The following SV2B variants were observed in gnomAD, a reference collection of about 807,000 sequenced individuals.
SV2B encodes the protein solute carrier family 22 member B2.
SV2B carries 41 observed loss-of-function variants against 73.9 expected under a neutral mutation model. The observed-to-expected ratio is 0.56, with a 90% CI of 0.43 to 0.72. The LOEUF is 0.72. SV2B is among the 30% of genes least tolerant of loss of function. The probability of loss-of-function intolerance (pLI) is 0.00; values close to 1 mark genes in which losing one functional copy is unlikely to be tolerated. For missense variants in SV2B, 764 were observed against 857.8 expected, an observed-to-expected ratio of 0.89 and a Z score of 1.37; for synonymous variants, 314 against 314.2, an observed-to-expected ratio of 1.00 and a Z score of 0.01.
rs1439468376 is a variant in SV2B, at chr15:91,299,131, C to T, written c.*6579C>T. ...ATATACACACACACATTATGTTATA[C>T]ACCATAAATATATAGAAGTTTTACT... is the stretch of plus-strand genomic sequence containing the variant. On this transcript the variant is annotated 3_prime_UTR_variant, in exon 13 of 13. Coordinates refer to ENST00000394232, the MANE Select transcript of SV2B (RefSeq NM_001323032.3). 2.6e-5 allele frequency: 4 copies of T among 152,110 alleles called. No homozygotes were observed. The East Asian group carries it at 5.8e-4, about 22-fold the overall frequency. 9.4% of individuals were successfully genotyped at this position (152,110 alleles called of 1,614,324 possible).
chr15:91,133,763 C>T (rs918975246), intron 1 of SV2B, among the ~76,000 whole-genome samples: 17 of 152,128 alleles, frequency 1.1e-4, no homozygotes, highest in Admixed American at 2.0e-4. Context: ...ACTGGGGCTT[C>T]TTCTGATTTC....
chr15:91,154,875 C>A (rs1036485588), intron 1 of SV2B, among the ~76,000 whole-genome samples: 2 of 152,192 alleles, frequency 1.3e-5, no homozygotes, highest in East Asian at 3.9e-4. Flanking sequence ...TTTTAAGCCA[C>A]CCAGGTTTGC....
intron 9 of SV2B, among the ~76,000 whole-genome samples, chr15:91,274,032 T>TG (rs548578316): frequency 6.6e-6 from 1 of 151,032 alleles, no homozygotes; most frequent in Non-Finnish European, 1.5e-5. Flanking sequence ...AATACTCTGT[T>TG]GGGGGAGAAA....
intron 1 of SV2B, among the ~76,000 whole-genome samples, chr15:91,107,703 G>T (rs766989131): frequency 6.6e-6 from 1 of 151,988 alleles, no homozygotes; most frequent in Admixed American, 6.6e-5. Flanking sequence ...TTGACCTCCC[G>T]GGCTCAAGTG....
chr15:91,133,078 C>T lies in SV2B; in HGVS notation c.-392+32715C>T, dbSNP rs972788448. On this transcript the variant is annotated intron_variant, in intron 1 of 12. Coordinates refer to ENST00000394232, the MANE Select transcript of SV2B (RefSeq NM_001323032.3). Reference sequence around the variant, plus strand: ...CACATCATTATTCACATTTTGCAGGCGGAGAAACTGAGGATCATAGAGATT... The same window carrying T: ...CACATCATTATTCACATTTTGCAGGTGGAGAAACTGAGGATCATAGAGATT... Among the ~76,000 whole-genome samples the T allele has an allele frequency of 6.6e-5, 10 of 152,074 alleles. No individual in the cohort carries two copies. The East Asian group carries it at 7.7e-4, about 12-fold the overall frequency.
In SV2B at chr15:91,128,506, T is replaced by A. The variant is rs1263262970; in HGVS notation, c.-392+28143T>A. Among the ~76,000 whole-genome samples the A allele has an allele frequency of 3.9e-5, 6 of 152,162 alleles. No homozygotes were observed. Among genetic ancestry groups the A allele is most frequent in the African/African-American group, 1.4e-4 (6 of 41,428 alleles). Reference sequence around the variant, plus strand: ...AAAATGAAGGCCTCAGAAGCGAAAGTGTTTTTCTCCTCCCCGTCTGTCTCT... The same window carrying A: ...AAAATGAAGGCCTCAGAAGCGAAAGAGTTTTTCTCCTCCCCGTCTGTCTCT... On this transcript the variant is annotated intron_variant, in intron 1 of 12. Transcript: ENST00000394232. The surrounding 1 kb of genome is among the most constrained non-coding windows in gnomAD (Gnocchi z 4.2).
chr15:91,246,222 A>G (rs2047218407), intron 2 of SV2B, among the ~76,000 whole-genome samples: 2 of 152,204 alleles, frequency 1.3e-5, no homozygotes, highest in African/African-American at 2.4e-5. Flanking sequence ...TAAGTTTCCT[A>G]TGCTATTCTC....
chr15:91,199,510 C>G (rs192340786), intron 1 of SV2B, among the ~76,000 whole-genome samples: 167 of 152,334 alleles, frequency 1.1e-3, no homozygotes, highest in Middle Eastern at 6.8e-3. Context: ...TTAAATGCCG[C>G]TTTGCTAAAA....
rs1289445994 is a variant in SV2B at position 91,124,490 on chromosome 15, C to A, written c.-392+24127C>A. ...TTACTTCACAAGACAGAATTTCAGG[C>A]CTGCAGAGGGATGGGGGACTTCCTT... On this transcript the variant is annotated intron_variant, in intron 1 of 12. Transcript: ENST00000394232. This position sits in a 1 kb window ranked among gnomAD's most constrained non-coding sequence, Gnocchi z 4.6. Among the ~76,000 whole-genome samples, 1 of 152,144 alleles carries A rather than the reference C, an allele frequency of 6.6e-6. No homozygotes were observed. Among genetic ancestry groups the A allele is most frequent in the Non-Finnish European group, 1.5e-5 (1 of 68,038 alleles).
intron 1 of SV2B, among the ~76,000 whole-genome samples, chr15:91,171,243 C>A (rs1274366887): frequency 6.6e-6 from 1 of 152,160 alleles, no homozygotes; most frequent in Non-Finnish European, 1.5e-5. Flanking sequence ...AGTGGCTAGA[C>A]CTCTCTGTAC....
intron 6 of SV2B, among the ~76,000 whole-genome samples, chr15:91,263,531 G>C (rs935924434): frequency 2.0e-5 from 3 of 149,644 alleles, no homozygotes; most frequent in Non-Finnish European, 4.5e-5. Context: ...GAGACACACA[G>C]ACACACATTA....
At chr15:91,209,285 C>G (rs1223830998) in intron 1 of SV2B, among the ~76,000 whole-genome samples, 1 of 151,926 alleles carries the variant, frequency 6.6e-6, no homozygotes, top group Admixed American at 6.6e-5. Context: ...CCATGCCCAG[C>G]TAATTTTTGT....
chr15:91,131,084 T>C (rs999484384), intron 1 of SV2B, among the ~76,000 whole-genome samples: 4 of 150,274 alleles, frequency 2.7e-5, no homozygotes, highest in Admixed American at 6.6e-5. Flanking sequence ...TTCAATGAAC[T>C]AGCGAGTGAG....
chr15:91,206,615 G>A lies in SV2B; in HGVS notation c.-391-19258G>A, dbSNP rs565295734. 3.3e-5 allele frequency among the ~76,000 whole-genome samples: 5 copies of A among 152,276 alleles called. No individual in the cohort carries two copies. The South Asian group carries it at 8.3e-4, about 25-fold the overall frequency. On this transcript the variant is annotated intron_variant, in intron 1 of 12. Coordinates refer to ENST00000394232, the MANE Select transcript of SV2B (RefSeq NM_001323032.3). Reference sequence around the variant, plus strand: ...TCTGGGGAGGTTGTGGGCAATGCCTGCTTGGAAGCTAATAGTCATAAAAAT... The same window carrying A: ...TCTGGGGAGGTTGTGGGCAATGCCTACTTGGAAGCTAATAGTCATAAAAAT...
chr15:91,120,960 G>A (rs1462456444), intron 1 of SV2B, among the ~76,000 whole-genome samples: 1 of 152,144 alleles, frequency 6.6e-6, no homozygotes, highest in Non-Finnish European at 1.5e-5. Context: ...TGGCAGAGCT[G>A]CAGCACCCAC....
chr15:91,216,859 A>G (rs940944633), intron 1 of SV2B, among the ~76,000 whole-genome samples: 2 of 150,322 alleles, frequency 1.3e-5, no homozygotes, highest in Non-Finnish European at 3.0e-5. Flanking sequence ...GGCCATTTTC[A>G]ACATCAGCAA....
intron 1 of SV2B, among the ~76,000 whole-genome samples, chr15:91,192,820 A>G (rs1057256102): frequency 6.6e-6 from 1 of 152,172 alleles, no homozygotes; most frequent in African/African-American, 2.4e-5. Flanking sequence ...GACCTTAGGG[A>G]CTGACACGTG....
intron 1 of SV2B, among the ~76,000 whole-genome samples, chr15:91,147,748 A>T (rs1420987941): frequency 6.6e-6 from 1 of 152,106 alleles, no homozygotes; most frequent in Non-Finnish European, 1.5e-5. Flanking sequence ...GAGAGTTAAT[A>T]TCTTAAAATA....
At position 91,289,497 on chromosome 15, in the gene SV2B, T is replaced by C. The variant is rs1397730657; in HGVS notation, c.1709-24T>C. ...GCAAGACACAGGCCTCATGTTTCTTTTTGCCCTTGAACTCCCTCTGCAGGT... is the reference window on the plus strand; with the variant it reads ...GCAAGACACAGGCCTCATGTTTCTTCTTGCCCTTGAACTCCCTCTGCAGGT... On this transcript the variant is annotated intron_variant, in intron 11 of 12. Coordinates refer to ENST00000394232, the MANE Select transcript of SV2B (RefSeq NM_001323032.3). This position sits in a 1 kb window ranked among gnomAD's most constrained non-coding sequence, Gnocchi z 4.9. 6.2e-7 allele frequency: 1 copy of C among 1,613,968 alleles called. No individual in the cohort carries two copies. Among genetic ancestry groups the C allele is most frequent in the Non-Finnish European group, 8.5e-7 (1 of 1,179,992 alleles).
Sources: gnomAD v4.1 joint callset for allele counts (sites outside exome capture counted in the v4.1 genomes callset) on GRCh38, gnomAD v4.1.1 for gene constraint, Gnocchi (gnomAD v3.1) non-coding constraint, MANE v1.5 for transcripts, NCBI Gene and HGNC (gene_info 2026-07-23, HGNC 2026-07-21) for gene names.